Variants in RASSF8 observed in about 807,000 individuals in gnomAD.
RASSF8 encodes ras association domain-containing protein 8.
RASSF8 carries 22 observed loss-of-function variants against 48.5 expected under a neutral mutation model. The observed-to-expected ratio is 0.45, with a 90% CI of 0.32 to 0.65. The LOEUF (loss-of-function observed/expected upper bound fraction) is 0.65, where lower values mean the gene tolerates loss of function less well. RASSF8 is among the 30% of genes least tolerant of loss of function. The probability of loss-of-function intolerance (pLI) is 0.03; values close to 1 mark genes in which losing one functional copy is unlikely to be tolerated. For synonymous variants in RASSF8, 127 were observed against 171.5 expected, an observed-to-expected ratio of 0.74 and a Z score of 2.03; for missense variants, 418 against 489.2, an observed-to-expected ratio of 0.85 and a Z score of 1.37.
intron 1 of RASSF8, among the ~76,000 whole-genome samples, chr12:25,982,068 T>G (rs1941758040): frequency 6.6e-6 from 1 of 152,242 alleles, no homozygotes; most frequent in South Asian, 2.1e-4. Flanking sequence ...GGTACCACTT[T>G]GCAGGTGGAT....
intron 2 of RASSF8, among the ~76,000 whole-genome samples, chr12:26,028,049 G>A (rs562221951): frequency 6.6e-6 from 1 of 152,284 alleles, no homozygotes; most frequent in South Asian, 2.1e-4. Flanking sequence ...CGGGGTCTTG[G>A]TGAACCTGTT....
chr12:26,079,699 A>G (rs1944101406), exon 6 of RASSF8: 1 of 152,318 alleles, frequency 6.6e-6, no homozygotes, highest in East Asian at 1.9e-4. Flanking sequence ...AATCAAAGCC[A>G]CAATGAGATA....
At chr12:25,974,947 A>C (rs921582176) in intron 1 of RASSF8, among the ~76,000 whole-genome samples, 13 of 152,230 alleles carry the variant, frequency 8.5e-5, no homozygotes, top group African/African-American at 2.9e-4. Context: ...CAAAAACAAT[A>C]AGAACCAATC....
intron 2 of RASSF8, among the ~76,000 whole-genome samples, chr12:26,030,980 C>A (rs1449481707): frequency 6.6e-6 from 1 of 152,060 alleles, no homozygotes; most frequent in Non-Finnish European, 1.5e-5. Context: ...ACTTGCAGAC[C>A]CCTTCAAGAT....
chr12:26,045,918 C>G (rs1943363615), intron 2 of RASSF8, among the ~76,000 whole-genome samples: 1 of 152,120 alleles, frequency 6.6e-6, no homozygotes, highest in South Asian at 2.1e-4. Flanking sequence ...CTTACGTAGA[C>G]AAAAAGTCCC....
chr12:26,048,057 T>C (rs1943410294), intron 2 of RASSF8, among the ~76,000 whole-genome samples: 1 of 152,256 alleles, frequency 6.6e-6, no homozygotes, highest in South Asian at 2.1e-4. Flanking sequence ...TCCAAGTTTT[T>C]ATTCCTGGCC....
chr12:26,010,975 T>A (rs1213287325), intron 2 of RASSF8, among the ~76,000 whole-genome samples: 1 of 152,208 alleles, frequency 6.6e-6, no homozygotes, highest in Non-Finnish European at 1.5e-5. Flanking sequence ...TACCACTTTA[T>A]CTTTCCTTCC....
chr12:25,969,535 C>T (rs1030895292), intron 1 of RASSF8, among the ~76,000 whole-genome samples: 27 of 152,112 alleles, frequency 1.8e-4, no homozygotes, highest in African/African-American at 6.3e-4. Context: ...AGTAGAAAGA[C>T]CAGTTAGGAG....
In RASSF8 at chr12:26,071,065, T is replaced by G; in HGVS notation, c.*2247T>G. The G allele has an allele frequency of 1.0e-6, 1 of 983,346 alleles. No homozygotes were observed. Among genetic ancestry groups the G allele is most frequent in the Non-Finnish European group, 1.2e-6 (1 of 828,062 alleles). The allele number at this position is 983,346 out of a possible 1,614,324, so 60.9% of individuals were successfully genotyped here. A position where few individuals can be genotyped will look rare whatever the true frequency, so the allele number is the denominator to read the frequency against. On this transcript the variant is annotated 3_prime_UTR_variant, in exon 6 of 6. Coordinates refer to ENST00000689635, the MANE Select transcript of RASSF8 (RefSeq NM_001394098.1). Reference sequence around the variant, plus strand: ...GACCTAATTACAGATTTAAAAAAATTTCCTAGGCGACGAAAGTATAGAAAT... The same window carrying G: ...GACCTAATTACAGATTTAAAAAAATGTCCTAGGCGACGAAAGTATAGAAAT...
chr12:25,993,807 G>A (rs764896313), intron 1 of RASSF8, among the ~76,000 whole-genome samples: 2 of 151,954 alleles, frequency 1.3e-5, no homozygotes, highest in Non-Finnish European at 2.9e-5. Context: ...TGTGTATCCA[G>A]CTAGCTTAAA....
rs183055234 is a variant in RASSF8 at position 26,016,844 on chromosome 12, T to C, written c.-109+21714T>C. On this transcript the variant is annotated intron_variant, in intron 2 of 5. Coordinates refer to ENST00000689635, the MANE Select transcript of RASSF8 (RefSeq NM_001394098.1). ...ACTCACATTAACAAAACAGGATAGA[T>C]AATGAAAATATCATCTGAAGTTCAT... is the stretch of plus-strand genomic sequence containing the variant. Among the ~76,000 whole-genome samples the C allele has an allele frequency of 5.9e-5, 9 of 152,336 alleles. No individual in the cohort carries two copies. The East Asian group carries it at 1.7e-3, about 29-fold the overall frequency.
intron 1 of RASSF8, chr12:25,959,553 TCTC>T (rs1445322613): frequency 6.6e-6 from 1 of 152,256 alleles, no homozygotes; most frequent in Non-Finnish European, 1.5e-5. Context: ...TGAACGCTTT[TCTC>T]CTCTAAAAAA....
intron 2 of RASSF8, among the ~76,000 whole-genome samples, chr12:26,040,351 A>G (rs1943237263): frequency 6.6e-6 from 1 of 152,184 alleles, no homozygotes; most frequent in Admixed American, 6.5e-5. Context: ...AAGACTTCCA[A>G]AGTGGGCTAA....
chr12:26,025,970 C>G (rs939113170), intron 2 of RASSF8, among the ~76,000 whole-genome samples: 1 of 152,056 alleles, frequency 6.6e-6, no homozygotes, highest in Non-Finnish European at 1.5e-5. Flanking sequence ...CCCCTATATA[C>G]ACGTATATAA....
intron 2 of RASSF8, among the ~76,000 whole-genome samples, chr12:26,051,453 C>T (rs998947587): frequency 1.3e-5 from 2 of 152,096 alleles, no homozygotes; most frequent in African/African-American, 4.8e-5. Context: ...CCCATCAATA[C>T]ATAACCTTGC....
chr12:26,056,177 G>A (rs1162463659), intron 3 of RASSF8, among the ~76,000 whole-genome samples: 14 of 151,898 alleles, frequency 9.2e-5, no homozygotes, highest in Admixed American at 7.2e-4. Flanking sequence ...AGCGAAACTC[G>A]GTCTCAATAA....
At chr12:26,043,751 A>G (rs988153229) in intron 2 of RASSF8, among the ~76,000 whole-genome samples, 12 of 152,224 alleles carry the variant, frequency 7.9e-5, no homozygotes, top group Admixed American at 3.3e-4. Flanking sequence ...GAGAGAAAGA[A>G]TGGACGATTG....
At chr12:25,995,938 A>T (rs1942122709) in intron 2 of RASSF8, among the ~76,000 whole-genome samples, 1 of 152,186 alleles carries the variant, frequency 6.6e-6, no homozygotes, top group Non-Finnish European at 1.5e-5. Context: ...ATTTTTAACT[A>T]GATGCTGGAT....
At chr12:26,035,518 TTA>T (rs1383294326) in intron 2 of RASSF8, among the ~76,000 whole-genome samples, 15 of 140,514 alleles carry the variant, frequency 1.1e-4, no homozygotes, top group Non-Finnish European at 1.4e-4. Flanking sequence ...TATAATATAA[TTA>T]TATGAAATTA....
Sources: gnomAD v4.1 joint callset for allele counts (sites outside exome capture counted in the v4.1 genomes callset) on GRCh38, gnomAD v4.1.1 for gene constraint, MANE v1.5 for transcripts, NCBI Gene and HGNC (gene_info 2026-07-23, HGNC 2026-07-21) for gene names.